The following PDE1A variants were observed in gnomAD, a reference collection of about 807,000 sequenced individuals.
The protein encoded by PDE1A is phosphodiesterase 1A, also known as dual specificity calcium/calmodulin-dependent 3',5'-cyclic nucleotide phosphodiesterase 1A.
A neutral mutation model predicts 61.7 loss-of-function variants in PDE1A; 35 were observed. The ratio of observed to expected loss-of-function variants is 0.57; its 90% CI spans 0.43 to 0.75. The LOEUF is 0.75. Ranked by LOEUF, PDE1A falls within the 30% of genes least tolerant of loss-of-function variation. The pLI, the probability that PDE1A is intolerant of heterozygous loss-of-function variation, is 0.00. For synonymous variants in PDE1A, 232 were observed against 213.2 expected, an observed-to-expected ratio of 1.09 and a Z score of -0.77; for missense variants, 597 against 630.6, an observed-to-expected ratio of 0.95 and a Z score of 0.57.
At chr2:182,146,027 C>T (rs559557868), downstream of PDE1A, among the ~76,000 whole-genome samples, 2 of 152,268 alleles carry the variant, frequency 1.3e-5, no homozygotes, top group East Asian at 1.9e-4. Context: ...TAACAGGATG[C>T]GTTATAACAC....
chr2:182,629,321 C>T, the PDE1A span, among the ~76,000 whole-genome samples: 1 of 152,114 alleles, frequency 6.6e-6, no homozygotes, highest in Admixed American at 6.6e-5. Flanking sequence ...TTTAAACTTC[C>T]GAATTTGTGT....
intron 2 of PDE1A, among the ~76,000 whole-genome samples, chr2:182,443,643 T>A (rs1289087430): frequency 6.6e-6 from 1 of 152,042 alleles, no homozygotes; most frequent in African/African-American, 2.4e-5. Flanking sequence ...CCAGCCATGC[T>A]TCCTCTACAG....
the PDE1A span, among the ~76,000 whole-genome samples, chr2:182,565,615 C>T: frequency 6.6e-6 from 1 of 151,830 alleles, no homozygotes; most frequent in Non-Finnish European, 1.5e-5. Context: ...AATCTGCCTT[C>T]GATACATCTG....
the PDE1A span, among the ~76,000 whole-genome samples, chr2:182,591,049 C>T: frequency 1.3e-5 from 2 of 152,140 alleles, no homozygotes; most frequent in African/African-American, 4.8e-5. Context: ...TTTAAGAATG[C>T]CAGTAGTTCC....
chr2:182,502,266 G>A (rs1275627910), intron 2 of PDE1A, among the ~76,000 whole-genome samples: 2 of 152,138 alleles, frequency 1.3e-5, no homozygotes, highest in African/African-American at 4.8e-5. Flanking sequence ...GGTGACTGCT[G>A]AAAGAGGTAA....
chr2:182,364,969 T>C (rs1445976390), intron 1 of PDE1A, among the ~76,000 whole-genome samples: 1 of 152,020 alleles, frequency 6.6e-6, no homozygotes, highest in African/African-American at 2.4e-5. Context: ...GGTTTAGGCC[T>C]CCTAAAAACT....
chr2:182,435,629 A>G (rs556364108), intron 2 of PDE1A, among the ~76,000 whole-genome samples: 1 of 152,194 alleles, frequency 6.6e-6, no homozygotes, highest in East Asian at 1.9e-4. Context: ...TTACTCCCCA[A>G]ACATGCCAAA....
At chr2:182,303,242 C>G (rs767509500) in intron 1 of PDE1A, among the ~76,000 whole-genome samples, 2 of 152,032 alleles carry the variant, frequency 1.3e-5, no homozygotes, top group African/African-American at 2.4e-5. Flanking sequence ...TATAGCCTTA[C>G]GAGATATATT....
At chr2:182,270,577 T>A (rs886811598) in intron 1 of PDE1A, among the ~76,000 whole-genome samples, 9 of 151,252 alleles carry the variant, frequency 6.0e-5, no homozygotes, top group African/African-American at 1.9e-4. Flanking sequence ...TAAATAAAAT[T>A]TATTAAAATA....
At chr2:182,626,792 C>T in the PDE1A span, among the ~76,000 whole-genome samples, 17 of 8,974 alleles carry the variant, frequency 1.9e-3, 3 homozygotes, top group Admixed American at 5.9e-3. Flanking sequence ...CATATATATA[C>T]ATATATATAC....
chr2:182,570,186 C>A, the PDE1A span, among the ~76,000 whole-genome samples: 3 of 151,922 alleles, frequency 2.0e-5, no homozygotes, highest in Non-Finnish European at 4.4e-5. Flanking sequence ...AAATCTGGAG[C>A]AGGGAAAATA....
At chr2:182,429,941 C>T (rs1054574287), upstream of PDE1A, among the ~76,000 whole-genome samples, 6 of 152,232 alleles carry the variant, frequency 3.9e-5, no homozygotes, top group Non-Finnish European at 8.8e-5. Context: ...TCAAATAGGA[C>T]GTGAGACCAC....
upstream of PDE1A, among the ~76,000 whole-genome samples, chr2:182,526,254 A>T (rs1411562345): frequency 6.6e-6 from 1 of 152,190 alleles, no homozygotes; most frequent in Non-Finnish European, 1.5e-5. Context: ...ATATTGGAAA[A>T]ATTCCAATAA....
At chr2:182,396,209 AG>A (rs553393380) in intron 1 of PDE1A, among the ~76,000 whole-genome samples, 368 of 152,332 alleles carry the variant, frequency 2.4e-3, no homozygotes, top group Non-Finnish European at 4.3e-3. Context: ...CATGACGTGC[AG>A]GCACCACCCA....
intron 2 of PDE1A, among the ~76,000 whole-genome samples, chr2:182,503,726 C>T (rs1663000126): frequency 1.3e-5 from 2 of 152,116 alleles, no homozygotes; most frequent in African/African-American, 4.8e-5. Flanking sequence ...ACTTTTGAAA[C>T]TCCCAAGAGT....
At chr2:182,434,600 A>T (rs537520136) in intron 2 of PDE1A, among the ~76,000 whole-genome samples, 13 of 152,090 alleles carry the variant, frequency 8.5e-5, no homozygotes, top group African/African-American at 3.1e-4. Context: ...CTCCTGGCCT[A>T]ATCACCTCTT....
chr2:182,627,021 A>AT, the PDE1A span, among the ~76,000 whole-genome samples: 7 of 57,104 alleles, frequency 1.2e-4, no homozygotes, highest in African/African-American at 2.4e-4. Flanking sequence ...ATATTTATAT[A>AT]TAAAATATAA....
intron 1 of PDE1A, among the ~76,000 whole-genome samples, chr2:182,395,556 C>G (rs1257570890): frequency 6.6e-6 from 1 of 152,180 alleles, no homozygotes; most frequent in Non-Finnish European, 1.5e-5. Flanking sequence ...CTACAACTAT[C>G]TGGATTTGGG....
chr2:182,147,174 A>G, intron 13 of PDE1A, 22 bp from the exon 14 acceptor site: 2 of 1,444,230 alleles, frequency 1.4e-6, no homozygotes, highest in African/African-American at 2.8e-5. Context: ...AGGAAACAAA[A>G]GCAAAACAAA....
Sources: gnomAD v4.1 joint callset for allele counts (sites outside exome capture counted in the v4.1 genomes callset) on GRCh38, gnomAD v4.1.1 for gene constraint, MANE v1.5 for transcripts, NCBI Gene and HGNC (gene_info 2026-07-23, HGNC 2026-07-21) for gene names.